SMAD6: variants seen among roughly 807,000 people sequenced by gnomAD.
The protein encoded by SMAD6 is SMAD family member 6.
A neutral mutation model predicts 39.4 loss-of-function variants in SMAD6; 103 were observed. The ratio of observed to expected loss-of-function variants is 2.62; its 90% CI spans 2.23 to 3.08. The LOEUF is 3.08. Among genes scored for constraint, SMAD6 ranks in the 30% most tolerant of loss-of-function variants. The pLI is 0.00. For missense variants in SMAD6, 1,104 were observed against 742.9 expected (o/e 1.49, Z -5.65); for synonymous variants, 445 against 353.3 (o/e 1.26, Z -2.91).
In SMAD6 at chr15:66,708,547, A is replaced by G. The variant is rs1273646538; in HGVS notation, c.818-3121A>G. ...TGTCCATTAGCTGATAAATGGATAAATGAAATATGGTACGTCCGAAGAATG... is the reference window on the plus strand; with the variant it reads ...TGTCCATTAGCTGATAAATGGATAAGTGAAATATGGTACGTCCGAAGAATG... On this transcript the variant is annotated intron_variant, in intron 1 of 3. Transcript: ENST00000288840. Among the ~76,000 whole-genome samples the G allele has an allele frequency of 2.6e-5, 4 of 152,390 alleles. No individual in the cohort carries two copies. The East Asian group carries it at 7.7e-4, about 29-fold the overall frequency.
At position 66,781,938 on chromosome 15, in the gene SMAD6, C is replaced by T. The variant is rs1246220637; in HGVS notation, c.*403C>T. ...TGTATGGTTTTTGAGATATTAATGC[C>T]CAGACAAAAAGCTAATACCAGTCAC... On this transcript the variant is annotated 3_prime_UTR_variant, in exon 4 of 4. Transcript: ENST00000288840. 1 of 398,556 alleles carries T rather than the reference C, an allele frequency of 2.5e-6. No individual in the cohort carries two copies. Among genetic ancestry groups the T allele is most frequent in the African/African-American group, 2.1e-5 (1 of 48,502 alleles). The allele number at this position is 398,556 out of a possible 1,614,324, so 24.7% of individuals were successfully genotyped here.
intron 3 of SMAD6, among the ~76,000 whole-genome samples, chr15:66,764,595 G>A (rs1025600376): frequency 3.3e-5 from 5 of 152,086 alleles, no homozygotes; most frequent in African/African-American, 1.2e-4. Context: ...TATATCCTAA[G>A]GTGCTGAGTC....
At chr15:66,720,375 A>G (rs549478053) in intron 3 of SMAD6, among the ~76,000 whole-genome samples, 2 of 152,296 alleles carry the variant, frequency 1.3e-5, no homozygotes, top group East Asian at 1.9e-4. Context: ...TAGAAAAACA[A>G]TGAACATGTC....
At position 66,735,778 on chromosome 15, in the gene SMAD6, CAAGCAGGCACGTGTGCATGCACACA is replaced by C. The variant is rs1347182803; in HGVS notation, c.952+19281_952+19305del. ...CAGTTGGTCATTGGCTGTAGGCAGA[CAAGCAGGCACGTGTGCATGCACACA>C]CACATACACACACCCCACATTGGAG... On this transcript the variant is annotated intron_variant, in intron 3 of 3. Transcript: ENST00000288840. Among the ~76,000 whole-genome samples the C allele has an allele frequency of 4.1e-4, 63 of 152,268 alleles. 1 individual carries two copies. In the South Asian group the frequency reaches 0.013, roughly 32 times the overall value.
At chr15:66,727,259 T>C (rs1893539387) in intron 3 of SMAD6, among the ~76,000 whole-genome samples, 1 of 152,046 alleles carries the variant, frequency 6.6e-6, no homozygotes, top group African/African-American at 2.4e-5. Flanking sequence ...TGCGCCACCA[T>C]GCCCGGCTAA....
chr15:66,702,433 G>A lies in SMAD6; in HGVS notation c.-826G>A, dbSNP rs1892991036. Reference sequence around the variant, plus strand: ...CCACCGGGAGGCACTTTTGTGGAGGGGGGAGGGGGGGCGACCTCGGCAGCC... The same window carrying A: ...CCACCGGGAGGCACTTTTGTGGAGGAGGGAGGGGGGGCGACCTCGGCAGCC... On this transcript the variant is annotated 5_prime_UTR_variant, in exon 1 of 4. Coordinates refer to ENST00000288840, the MANE Select transcript of SMAD6 (RefSeq NM_005585.5). The A allele has an allele frequency of 1.3e-5, 2 of 152,262 alleles. No individual in the cohort carries two copies. Among genetic ancestry groups the A allele is most frequent in the African/African-American group, 2.4e-5 (1 of 41,412 alleles). The allele number at this position is 152,262 out of a possible 1,614,324, so 9.4% of individuals were successfully genotyped here. A position where few individuals can be genotyped will look rare whatever the true frequency, so the allele number is the denominator to read the frequency against.
In SMAD6 at chr15:66,703,800, A is replaced by G; in HGVS notation, c.542A>G (p.Lys181Arg). The G allele has an allele frequency of 6.9e-7, 1 of 1,440,254 alleles. No individual in the cohort carries two copies. Among genetic ancestry groups the G allele is most frequent in the Non-Finnish European group, 9.2e-7 (1 of 1,086,322 alleles). The allele number at this position is 1,440,254 out of a possible 1,614,324, so 89.2% of individuals were successfully genotyped here. ...AAAACCGTCACGTACTCGCTGCTGA[A>G]GCGGCTCAAGGAGCGCTCGCTGGAC... ...ELKTVTYSLL[K>R]RLKERSLDTL... Residue 181 changes from lysine (K) to arginine (R), a missense_variant, in exon 1 of 4, where the codon AAG becomes AGG. Coordinates refer to ENST00000288840, the MANE Select transcript of SMAD6 (RefSeq NM_005585.5).
In SMAD6 at chr15:66,702,813, TAAA is replaced by T. The variant is rs913638429; in HGVS notation, c.-440_-438del. On this transcript the variant is annotated 5_prime_UTR_variant, in exon 1 of 4. Coordinates refer to ENST00000288840, the MANE Select transcript of SMAD6 (RefSeq NM_005585.5). The stretch of plus-strand genomic sequence containing the variant: ...GCCCATGTAGTTAAGCGCTTTGGTT[TAAA>T]AAAAAGGCAAGGTAAAGGCAGGGCT... 1 of 157,826 alleles carries T rather than the reference TAAA, an allele frequency of 6.3e-6. No homozygotes were observed. The highest frequency in any genetic ancestry group is 2.4e-5 in the African/African-American group (1 of 41,622). 9.8% of individuals were successfully genotyped at this position (157,826 alleles called of 1,614,324 possible).
At chr15:66,718,111 C>CGT (rs57053370) in intron 3 of SMAD6, among the ~76,000 whole-genome samples, 14,394 of 137,154 alleles carry the variant, frequency 0.1, 885 homozygotes, top group Admixed American at 0.21. Flanking sequence ...ATGGAAAGTC[C>CGT]GTGTGTGTGT....
chr15:66,722,623 C>T (rs917025632), intron 3 of SMAD6, among the ~76,000 whole-genome samples: 8 of 152,356 alleles, frequency 5.3e-5, no homozygotes, highest in Middle Eastern at 3.4e-3. Context: ...CAGTTCCAAA[C>T]GGATGGTATT....
Position 66,704,077 on chromosome 15 carries a change from T to A in SMAD6, c.817+2T>A, listed in dbSNP as rs769906340. 1 of 1,475,406 alleles carries A rather than the reference T, an allele frequency of 6.8e-7. No individual in the cohort carries two copies. Among genetic ancestry groups the A allele is most frequent in the Admixed American group, 2.3e-5 (1 of 42,808 alleles). 91.4% of individuals were successfully genotyped at this position (1,475,406 alleles called of 1,614,324 possible). A position where few individuals can be genotyped will look rare whatever the true frequency, so the allele number is the denominator to read the frequency against. ...ACTTCAGCCGGCTCTGCGGGCCCGGTGAGCGCGCTGCGCCGGCCGGGGGGG... is the reference window on the plus strand; with the variant it reads ...ACTTCAGCCGGCTCTGCGGGCCCGGAGAGCGCGCTGCGCCGGCCGGGGGGG... On this transcript the variant is annotated splice_donor_variant, in intron 1 of 3. Coordinates refer to ENST00000288840, the MANE Select transcript of SMAD6 (RefSeq NM_005585.5). LOFTEE classifies it high-confidence loss of function.
Position 66,744,664 on chromosome 15 carries a change from T to C in SMAD6, c.952+28166T>C, listed in dbSNP as rs113868049. Among the ~76,000 whole-genome samples, 222 of 152,350 alleles carry C rather than the reference T, an allele frequency of 1.5e-3. 1 individual carries two copies. Among genetic ancestry groups the C allele is most frequent in the African/African-American group, 4.6e-3 (192 of 41,586 alleles). ...TACACCCCCTAAGCCTAGAGCCGTG[T>C]TGTCATAAATACTTGGCCAAATGAA... On this transcript the variant is annotated intron_variant, in intron 3 of 3. Coordinates refer to ENST00000288840, the MANE Select transcript of SMAD6 (RefSeq NM_005585.5).
At chr15:66,726,462 C>G (rs1473752526) in intron 3 of SMAD6, among the ~76,000 whole-genome samples, 2 of 152,182 alleles carry the variant, frequency 1.3e-5, no homozygotes, top group Admixed American at 6.5e-5. Context: ...GTGATGAAAT[C>G]TCTGGGGCTT....
chr15:66,718,111 C>CGTGTGTGTGTGTGTGTGT lies in SMAD6; in HGVS notation c.952+1636_952+1653dup, dbSNP rs57053370. ...TCCCTATTGTTAATGATGGAAAGTC[C>CGTGTGTGTGTGTGTGTGT]GTGTGTGTGTGTGTGTGTGTGTGTG... On this transcript the variant is annotated intron_variant, in intron 3 of 3. Transcript: ENST00000288840. Among the ~76,000 whole-genome samples, 703 of 137,230 alleles carry CGTGTGTGTGTGTGTGTGT rather than the reference C, an allele frequency of 5.1e-3. 20 individuals are homozygous for CGTGTGTGTGTGTGTGTGT. The highest frequency in any genetic ancestry group is 0.018 in the African/African-American group (625 of 35,006). 90.0% of individuals were successfully genotyped at this position (137,230 alleles called of 152,430 possible).
chr15:66,738,664 G>A (rs1893757363), intron 3 of SMAD6, among the ~76,000 whole-genome samples: 1 of 152,032 alleles, frequency 6.6e-6, no homozygotes, highest in East Asian at 1.9e-4. Context: ...AAATGTCTAC[G>A]AATAACCCTG....
intron 1 of SMAD6, among the ~76,000 whole-genome samples, chr15:66,709,912 T>C (rs1334483336): frequency 6.6e-6 from 1 of 152,248 alleles, no homozygotes; most frequent in Non-Finnish European, 1.5e-5. Flanking sequence ...CTAGATCCTC[T>C]TTCTGCACAT....
chr15:66,716,003 A>G (rs1469536412), intron 2 of SMAD6, among the ~76,000 whole-genome samples: 1 of 150,528 alleles, frequency 6.6e-6, no homozygotes, highest in Non-Finnish European at 1.5e-5. Context: ...AGGAAGGAAG[A>G]AAGGAAGGAA....
intron 1 of SMAD6, chr15:66,705,353 TTGA>T (rs1893088837): frequency 6.6e-6 from 1 of 152,176 alleles, no homozygotes. Flanking sequence ...AGGGGAAGTG[TTGA>T]TGAGGCACCC....
chr15:66,744,862 A>G (rs951566984), intron 3 of SMAD6, among the ~76,000 whole-genome samples: 10 of 152,136 alleles, frequency 6.6e-5, no homozygotes, highest in African/African-American at 2.2e-4. Flanking sequence ...CCCAGCTCCT[A>G]TGGGACCTGG....
Sources: allele counts gnomAD v4.1 joint callset (sites outside exome capture counted in the v4.1 genomes callset), GRCh38; gene constraint gnomAD v4.1.1; transcripts MANE v1.5; gene names NCBI Gene and HGNC (gene_info 2026-07-23, HGNC 2026-07-21).